NEGR1: variants seen among roughly 807,000 people sequenced by gnomAD.
NEGR1 encodes IgLON family member 4.
Under a neutral mutation model 40.9 loss-of-function variants are expected in NEGR1, and 10 were observed. That is an observed-to-expected ratio of 0.24 (90% CI 0.15 to 0.42). The LOEUF (loss-of-function observed/expected upper bound fraction) is 0.42, where lower values mean the gene tolerates loss of function less well. NEGR1 is among the 10% of genes least tolerant of loss of function. The probability of loss-of-function intolerance (pLI) is 1.00; values close to 1 mark genes in which losing one functional copy is unlikely to be tolerated. For missense variants in NEGR1, 352 were observed against 438.9 expected, an observed-to-expected ratio of 0.80 and a Z score of 1.77; for synonymous variants, 185 against 166.8, an observed-to-expected ratio of 1.11 and a Z score of -0.84.
intron 1 of NEGR1, among the ~76,000 whole-genome samples, chr1:72,020,267 C>A (rs1056663111): frequency 6.6e-6 from 1 of 152,138 alleles, no homozygotes; most frequent in Non-Finnish European, 1.5e-5. Context: ...ATCCTGAACA[C>A]TTGCTTATCT....
intron 1 of NEGR1, among the ~76,000 whole-genome samples, chr1:72,097,697 A>G (rs1213798280): frequency 6.6e-6 from 1 of 152,250 alleles, no homozygotes; most frequent in Non-Finnish European, 1.5e-5. Context: ...TGTGGTTCAG[A>G]GAAAACCAGG....
intron 4 of NEGR1, among the ~76,000 whole-genome samples, chr1:71,630,578 C>A (rs1650941340): frequency 6.6e-6 from 1 of 151,780 alleles, no homozygotes; most frequent in Non-Finnish European, 1.5e-5. Context: ...TTATGTTCTT[C>A]TTCCTGAAGT....
chr1:72,131,999 T>G (rs1457745929), intron 1 of NEGR1, among the ~76,000 whole-genome samples: 3 of 152,148 alleles, frequency 2.0e-5, no homozygotes, highest in Non-Finnish European at 4.4e-5. Flanking sequence ...CTTGGGGTCC[T>G]GAGGCAGGAG....
At chr1:71,658,127 T>G (rs546951084) in intron 4 of NEGR1, among the ~76,000 whole-genome samples, 1 of 152,350 alleles carries the variant, frequency 6.6e-6, no homozygotes, top group Admixed American at 6.5e-5. Context: ...ATCTGTATTA[T>G]GTTGAAAGTT....
intron 1 of NEGR1, among the ~76,000 whole-genome samples, chr1:72,072,808 G>C (rs1216883247): frequency 6.6e-6 from 1 of 151,942 alleles, no homozygotes; most frequent in South Asian, 2.1e-4. Flanking sequence ...CTGCCAATGC[G>C]GTCTCATTCA....
intron 4 of NEGR1, among the ~76,000 whole-genome samples, chr1:71,618,624 C>A (rs955197525): frequency 6.6e-6 from 1 of 151,778 alleles, no homozygotes; most frequent in African/African-American, 2.4e-5. Flanking sequence ...TACATTATGG[C>A]GAGTTGTATA....
chr1:71,558,088 A>T (rs1648311716), intron 6 of NEGR1, among the ~76,000 whole-genome samples: 1 of 151,468 alleles, frequency 6.6e-6, no homozygotes, highest in African/African-American at 2.4e-5. Flanking sequence ...GATTACATTA[A>T]TGTGTCTTAC....
intron 1 of NEGR1, among the ~76,000 whole-genome samples, chr1:72,002,479 C>G (rs1646566120): frequency 6.6e-6 from 1 of 152,048 alleles, no homozygotes; most frequent in Non-Finnish European, 1.5e-5. Context: ...TAAGCAGGAA[C>G]AGTTCCATCC....
intron 2 of NEGR1, among the ~76,000 whole-genome samples, chr1:71,911,465 C>A (rs2101873481): frequency 6.6e-6 from 1 of 152,194 alleles, no homozygotes. Flanking sequence ...TATACCTATT[C>A]TTCGGTCCTG....
chr1:72,171,212 CA>C (rs1651951475), intron 1 of NEGR1, among the ~76,000 whole-genome samples: 1 of 152,028 alleles, frequency 6.6e-6, no homozygotes, highest in Admixed American at 6.6e-5. Context: ...ATTAAAAGAA[CA>C]AACAGCCATC....
intron 1 of NEGR1, among the ~76,000 whole-genome samples, chr1:71,978,795 C>T (rs2554412): frequency 0.28 from 42,261 of 151,776 alleles, 6,312 homozygotes; most frequent in African/African-American, 0.39. Flanking sequence ...TGAAGTTCGG[C>T]GATTCCTCAA....
intron 2 of NEGR1, among the ~76,000 whole-genome samples, chr1:71,796,475 A>G (rs1010547807): frequency 6.6e-6 from 1 of 152,322 alleles, no homozygotes; most frequent in Non-Finnish European, 1.5e-5. Context: ...AAATTCAAAT[A>G]ATCTAGAAAA....
chr1:72,272,230 C>T (rs1415271235), intron 1 of NEGR1, among the ~76,000 whole-genome samples: 7 of 151,618 alleles, frequency 4.6e-5, no homozygotes, highest in Non-Finnish European at 1.0e-4. Context: ...AAAATGCTTT[C>T]CTCCCTCCCT....
At chr1:72,238,625 A>T (rs1654638325) in intron 1 of NEGR1, among the ~76,000 whole-genome samples, 1 of 151,848 alleles carries the variant, frequency 6.6e-6, no homozygotes, top group African/African-American at 2.4e-5. Flanking sequence ...TGGCACTGGA[A>T]ATCTAGCAAG....
chr1:71,797,446 C>T (rs572346122), intron 2 of NEGR1, among the ~76,000 whole-genome samples: 15 of 152,186 alleles, frequency 9.9e-5, no homozygotes, highest in Admixed American at 5.9e-4. Context: ...GTTAGGCTGC[C>T]TTGAAACTCT....
intron 6 of NEGR1, among the ~76,000 whole-genome samples, chr1:71,553,698 A>C (rs1017893607): frequency 6.6e-5 from 10 of 151,510 alleles, no homozygotes; most frequent in African/African-American, 2.2e-4. Flanking sequence ...GTTTGTGCAT[A>C]ATTTTAAAAA....
chr1:71,971,238 C>T (rs1646253781), intron 1 of NEGR1, among the ~76,000 whole-genome samples: 1 of 152,204 alleles, frequency 6.6e-6, no homozygotes, highest in African/African-American at 2.4e-5. Context: ...ACACTGATTT[C>T]TGATTTCTAG....
intron 1 of NEGR1, among the ~76,000 whole-genome samples, chr1:72,246,168 T>C (rs1654896616): frequency 6.9e-6 from 1 of 145,488 alleles, no homozygotes; most frequent in African/African-American, 2.6e-5. Context: ...CTAATAATTT[T>C]ACTTCCAGTC....
chr1:72,249,672 T>G (rs545192259), intron 1 of NEGR1, among the ~76,000 whole-genome samples: 13 of 152,140 alleles, frequency 8.5e-5, no homozygotes, highest in Non-Finnish European at 1.0e-4. Context: ...AATGTGAGAA[T>G]AGAATATTAA....
Sources: allele counts gnomAD v4.1 joint callset (sites outside exome capture counted in the v4.1 genomes callset), GRCh38; gene constraint gnomAD v4.1.1; transcripts MANE v1.5; gene names NCBI Gene and HGNC (gene_info 2026-07-23, HGNC 2026-07-21).